ZNF362: variants seen among roughly 807,000 people sequenced by gnomAD.
The protein encoded by ZNF362 is zinc finger protein 362.
ZNF362 carries 11 observed loss-of-function variants against 42.9 expected under a neutral mutation model. That is an observed-to-expected ratio of 0.26 (90% CI 0.16 to 0.42). The LOEUF (loss-of-function observed/expected upper bound fraction) is 0.42. Among genes scored for constraint, ZNF362 ranks in the 20% least tolerant of loss-of-function variants. ZNF362 has a pLI of 1.00. For missense variants in ZNF362, 362 were observed against 576.2 expected (o/e 0.63, Z 3.81); for synonymous variants, 255 against 257.3 (o/e 0.99, Z 0.09).
the ZNF362 span, chr1:33,176,612 C>T: frequency 7.9e-6 from 4 of 508,766 alleles, no homozygotes; most frequent in East Asian, 3.0e-5. Context: ...CACCTGCCCT[C>T]GGGGCGTCAG....
At chr1:33,218,182 C>T in the ZNF362 span, among the ~76,000 whole-genome samples, 46 of 152,266 alleles carry the variant, frequency 3.0e-4, no homozygotes, top group African/African-American at 9.9e-4. Flanking sequence ...CAGCTTATGC[C>T]TATAATCCAG....
At chr1:33,143,838 G>A in the ZNF362 span, among the ~76,000 whole-genome samples, 3 of 152,216 alleles carry the variant, frequency 2.0e-5, no homozygotes, top group African/African-American at 7.2e-5. Flanking sequence ...AGTAGCAAAT[G>A]GAAGAAGCTA....
chr1:33,138,520 C>T, the ZNF362 span, among the ~76,000 whole-genome samples: 66 of 151,316 alleles, frequency 4.4e-4, no homozygotes, highest in Non-Finnish European at 7.9e-4. Context: ...TAAATTAGCA[C>T]GCCCAATAAT....
At chr1:33,165,275 T>G in the ZNF362 span, 1 of 496,218 alleles carries the variant, frequency 2.0e-6, no homozygotes, top group East Asian at 3.4e-5. The surrounding 1 kb of genome is among the most constrained non-coding windows in gnomAD (Gnocchi z 4.0). Context: ...CATGATGGGG[T>G]GGGTGCCGCC....
intron 6 of ZNF362, among the ~76,000 whole-genome samples, chr1:33,286,306 G>C (rs532621975): frequency 6.6e-6 from 1 of 152,004 alleles, no homozygotes; most frequent in Non-Finnish European, 1.5e-5. Flanking sequence ...AAACACAAGA[G>C]CAAGTGATAA....
In ZNF362 at chr1:33,281,527, C is replaced by T; in HGVS notation, c.684-60C>T. On this transcript the variant is annotated intron_variant, in intron 5 of 8. Coordinates refer to ENST00000539719, the MANE Select transcript of ZNF362 (RefSeq NM_152493.3). The surrounding 1 kb of genome is among the most constrained non-coding windows in gnomAD (Gnocchi z 4.8). ...GCAAGGTCTCTCTGATGTAGAAGGC[C>T]TCCCCTGAGATGGACAGTCTGGGGG... 6.5e-7 allele frequency: 1 copy of T among 1,549,718 alleles called. No homozygotes were observed. Among genetic ancestry groups the T allele is most frequent in the South Asian group, 1.1e-5 (1 of 88,488 alleles).
At chr1:33,236,550 A>AAAAATATATATATATATATTATAT in the ZNF362 span, among the ~76,000 whole-genome samples, 1 of 5,970 alleles carries the variant, frequency 1.7e-4, no homozygotes, top group Non-Finnish European at 3.7e-4. Flanking sequence ...AAAAAAAAAA[A>AAAAATATATATATATATATTATAT]ATATATATAT....
At chr1:33,297,774 A>G (rs1422448424) in intron 8 of ZNF362, among the ~76,000 whole-genome samples, 3 of 152,204 alleles carry the variant, frequency 2.0e-5, no homozygotes, top group Admixed American at 2.0e-4. Flanking sequence ...TCAGTCTCCC[A>G]AAGTGCTGGG....
At chr1:33,189,291 G>A in the ZNF362 span, among the ~76,000 whole-genome samples, 1 of 152,096 alleles carries the variant, frequency 6.6e-6, no homozygotes, top group Non-Finnish European at 1.5e-5. Context: ...TGAGGGGAGA[G>A]GTTCCAATGC....
At chr1:33,136,227 C>A in the ZNF362 span, among the ~76,000 whole-genome samples, 2 of 150,592 alleles carry the variant, frequency 1.3e-5, no homozygotes, top group Non-Finnish European at 3.0e-5. Context: ...TCCCTCCTTT[C>A]TTTCTCTTTC....
the ZNF362 span, among the ~76,000 whole-genome samples, chr1:33,130,989 G>A: frequency 6.6e-6 from 1 of 152,170 alleles, no homozygotes; most frequent in African/African-American, 2.4e-5. Context: ...GTGAGGGATG[G>A]TATTTGCTAG....
At chr1:33,250,896 G>GAAGAAGA in the ZNF362 span, among the ~76,000 whole-genome samples, 3 of 39,924 alleles carry the variant, frequency 7.5e-5, no homozygotes, top group South Asian at 9.7e-4. Context: ...GAAGAAGAAG[G>GAAGAAGA]AGAAGAAGAA....
chr1:33,265,273 T>C (rs1645857505), intron 1 of ZNF362, among the ~76,000 whole-genome samples: 1 of 150,994 alleles, frequency 6.6e-6, no homozygotes, highest in Non-Finnish European at 1.5e-5. Context: ...GCCCTCAGTG[T>C]CTCTGGGTAG....
At chr1:33,210,523 G>A in the ZNF362 span, among the ~76,000 whole-genome samples, 1 of 151,992 alleles carries the variant, frequency 6.6e-6, no homozygotes, top group Non-Finnish European at 1.5e-5. Flanking sequence ...TTGACAGTGG[G>A]GTATTAAAGT....
rs962156907 is a variant in ZNF362, at chr1:33,280,664, C to T, written c.683+207C>T. ...GGGCTGCTGGGGAGGGGAATAGAGG[C>T]TTGGACCCTTAGGTGTGGTCTGTGG... On this transcript the variant is annotated intron_variant, in intron 5 of 8. Coordinates refer to ENST00000539719, the MANE Select transcript of ZNF362 (RefSeq NM_152493.3). This position sits in a 1 kb window ranked among gnomAD's most constrained non-coding sequence, Gnocchi z 5.6. Among the ~76,000 whole-genome samples, 1 of 152,206 alleles carries T rather than the reference C, an allele frequency of 6.6e-6. No individual in the cohort carries two copies. The highest frequency in any genetic ancestry group is 6.5e-5 in the Admixed American group (1 of 15,284).
chr1:33,254,124 T>TTATGTG (rs68046930), upstream of ZNF362, among the ~76,000 whole-genome samples: 19 of 310 alleles, frequency 0.061, no homozygotes, highest in Admixed American at 0.17. Flanking sequence ...CATTTAGTAG[T>TTATGTG]TCGTCTGTTT....
chr1:33,276,231 G>A, intron 3 of ZNF362, 68 bp downstream of exon 3: 2 of 1,602,990 alleles, frequency 1.2e-6, no homozygotes, highest in Non-Finnish European at 1.7e-6. Flanking sequence ...CCTGGGTTTT[G>A]GCTGTGGCCT....
chr1:33,295,063 CA>C, intron 7 of ZNF362, 48 bp downstream of exon 7: 1 of 1,611,498 alleles, frequency 6.2e-7, no homozygotes, highest in Non-Finnish European at 8.5e-7. Context: ...GGTGCCCCCC[CA>C]CCCACCCCCA....
chr1:33,174,878 C>T, the ZNF362 span, among the ~76,000 whole-genome samples: 23 of 150,778 alleles, frequency 1.5e-4, no homozygotes, highest in African/African-American at 5.7e-4. Context: ...GGCACAGATA[C>T]TGGCTAAAGA....
Sources: allele counts gnomAD v4.1 joint callset (sites outside exome capture counted in the v4.1 genomes callset), GRCh38; gene constraint gnomAD v4.1.1; non-coding constraint Gnocchi (gnomAD v3.1); transcripts MANE v1.5; gene names NCBI Gene and HGNC (gene_info 2026-07-23, HGNC 2026-07-21).